Variants in ENTPD1 observed in about 807,000 individuals in gnomAD.
The protein encoded by ENTPD1 is ectonucleoside triphosphate diphosphohydrolase 1.
ENTPD1 carries 33 observed loss-of-function variants against 57.0 expected under a neutral mutation model. That is an observed-to-expected ratio of 0.58 (90% CI 0.44 to 0.77). ENTPD1 has a LOEUF of 0.77. ENTPD1 is among the 30% of genes least tolerant of loss of function. ENTPD1 has a pLI of 0.00. For missense variants in ENTPD1, 501 were observed against 603.4 expected, an observed-to-expected ratio of 0.83 and a Z score of 1.78; for synonymous variants, 202 against 218.8, an observed-to-expected ratio of 0.92 and a Z score of 0.68.
rs1469120936 is a variant in ENTPD1 at position 95,788,592 on chromosome 10, G to T, written c.16+32337G>T. Among the ~76,000 whole-genome samples, 4 of 151,744 alleles carry T rather than the reference G, an allele frequency of 2.6e-5. No individual in the cohort carries two copies. The East Asian group carries it at 7.7e-4, about 29-fold the overall frequency. On this transcript the variant is annotated intron_variant, in intron 1 of 9. Coordinates refer to ENST00000371205, the MANE Select transcript of ENTPD1 (RefSeq NM_001776.6). ...AGATTGCACCACTGCACTGCAGCCT[G>T]GGCGACAAAGTGAGACTCTGTCCAA...
chr10:95,775,856 G>A (rs1288164656), intron 1 of ENTPD1, among the ~76,000 whole-genome samples: 1 of 152,122 alleles, frequency 6.6e-6, no homozygotes, highest in Non-Finnish European at 1.5e-5. Context: ...AGGATAGTTA[G>A]CTCTTCTTGT....
At chr10:95,713,141 C>G (rs2097967745) in intron 1 of ENTPD1, among the ~76,000 whole-genome samples, 1 of 151,700 alleles carries the variant, frequency 6.6e-6, no homozygotes, top group Non-Finnish European at 1.5e-5. Flanking sequence ...TCCATATGCT[C>G]TCAAGGAACA....
chr10:95,766,403 C>T (rs184915528), intron 1 of ENTPD1, among the ~76,000 whole-genome samples: 15 of 152,250 alleles, frequency 9.9e-5, no homozygotes, highest in East Asian at 9.6e-4. Flanking sequence ...ACCTCAATTA[C>T]GCTCAATACT....
At chr10:95,804,130 GT>G (rs1306892925) in intron 1 of ENTPD1, among the ~76,000 whole-genome samples, 1 of 152,140 alleles carries the variant, frequency 6.6e-6, no homozygotes, top group Admixed American at 6.5e-5. Flanking sequence ...TTGAAGTCAG[GT>G]AGCGTGATGC....
intron 1 of ENTPD1, among the ~76,000 whole-genome samples, chr10:95,786,669 C>T (rs2153913): frequency 6.6e-6 from 1 of 151,862 alleles, no homozygotes; most frequent in African/African-American, 2.4e-5. Context: ...TTCAGCATAT[C>T]TTAAAATGAC....
chr10:95,707,548 C>T (rs184489729), upstream of ENTPD1, among the ~76,000 whole-genome samples: 1 of 152,190 alleles, frequency 6.6e-6, no homozygotes, highest in Non-Finnish European at 1.5e-5. Flanking sequence ...TGGTGGTAAT[C>T]ATGTCTTCAA....
chr10:95,710,477 TTATC>T (rs1434961120), upstream of ENTPD1, among the ~76,000 whole-genome samples: 3 of 152,072 alleles, frequency 2.0e-5, no homozygotes, highest in Non-Finnish European at 2.9e-5. Context: ...TTACAAGCAT[TTATC>T]TAAGTAAGTT....
At chr10:95,733,399 G>A (rs995111416) in intron 1 of ENTPD1, among the ~76,000 whole-genome samples, 6 of 152,064 alleles carry the variant, frequency 3.9e-5, no homozygotes, top group Admixed American at 2.0e-4. Flanking sequence ...TGCAGTTAAC[G>A]CAATCATGAC....
At chr10:95,807,936 C>G (rs2098279844) in intron 1 of ENTPD1, among the ~76,000 whole-genome samples, 1 of 152,162 alleles carries the variant, frequency 6.6e-6, no homozygotes, top group South Asian at 2.1e-4. Flanking sequence ...ATTGCCCTAA[C>G]CAGGACATCC....
In ENTPD1 at chr10:95,866,350, C is replaced by A; in HGVS notation, c.1500C>A (p.His500Gln). 6.2e-7 allele frequency: 1 copy of A among 1,614,178 alleles called. No homozygotes were observed. The highest frequency in any genetic ancestry group is 8.5e-7 in the Non-Finnish European group (1 of 1,180,026). Residue 500 changes from histidine to glutamine, a missense_variant, in exon 10 of 10, where the codon CAC becomes CAA. Coordinates refer to ENST00000371205, the MANE Select transcript of ENTPD1 (RefSeq NM_001776.6). The stretch of plus-strand genomic sequence containing the variant: ...CCATCATAGGCTTGCTTATCTTTCA[C>A]AAGCCTTCATATTTCTGGAAAGATA... ...TVAIIGLLIFHKPSYFWKDMV is the reference protein window; with the variant it reads ...TVAIIGLLIFQKPSYFWKDMV
intron 5 of ENTPD1, chr10:95,844,843 T>A (rs2098431108): frequency 1.5e-6 from 1 of 677,076 alleles, no homozygotes; most frequent in African/African-American, 1.8e-5. Flanking sequence ...ATTGGGAGAA[T>A]AAGGACATGT....
intron 8 of ENTPD1, among the ~76,000 whole-genome samples, chr10:95,863,844 G>A (rs1403523510): frequency 1.3e-5 from 2 of 152,196 alleles, no homozygotes; most frequent in Admixed American, 6.5e-5. Flanking sequence ...GTATCCAGGA[G>A]GGAATGCCTA....
chr10:95,838,497 C>G (rs1376990390), intron 2 of ENTPD1, among the ~76,000 whole-genome samples: 1 of 152,142 alleles, frequency 6.6e-6, no homozygotes, highest in Non-Finnish European at 1.5e-5. Context: ...ACTACTGATA[C>G]ACACAGTTTG....
chr10:95,819,486 C>T (rs539300992), intron 1 of ENTPD1, among the ~76,000 whole-genome samples: 1 of 152,266 alleles, frequency 6.6e-6, no homozygotes, highest in African/African-American at 2.4e-5. Context: ...TTTTGATTTT[C>T]ACCTTAGTAT....
intron 1 of ENTPD1, among the ~76,000 whole-genome samples, chr10:95,781,081 A>G (rs1366138530): frequency 6.6e-6 from 1 of 152,252 alleles, no homozygotes; most frequent in African/African-American, 2.4e-5. Flanking sequence ...AGCCATAAAC[A>G]TAATAAAATC....
At chr10:95,783,116 G>C (rs546384397) in intron 1 of ENTPD1, among the ~76,000 whole-genome samples, 1 of 152,220 alleles carries the variant, frequency 6.6e-6, no homozygotes, top group South Asian at 2.1e-4. Context: ...GGACAAAAAT[G>C]AATTTTGTAA....
At chr10:95,708,930 T>A (rs745642653), upstream of ENTPD1, among the ~76,000 whole-genome samples, 3 of 152,210 alleles carry the variant, frequency 2.0e-5, no homozygotes, top group Non-Finnish European at 4.4e-5. Flanking sequence ...AGAACAGCGG[T>A]GAGAGCTCTC....
Position 95,738,398 on chromosome 10 carries a change from G to A in ENTPD1, c.37+26405G>A, listed in dbSNP as rs79379237. ...AGATATTAATGAAGTATGGCAGTAG[G>A]CAAACCTAGGGCCAAAACTGAAGTG... On this transcript the variant is annotated intron_variant, in intron 1 of 9. Transcript: ENST00000453258. 3.3e-3 allele frequency among the ~76,000 whole-genome samples: 503 copies of A among 152,294 alleles called. 2 individuals are homozygous for A. Among genetic ancestry groups the A allele is most frequent in the African/African-American group, 0.011 (476 of 41,556 alleles).
At chr10:95,860,695 T>C in intron 8 of ENTPD1, 113 bp downstream of exon 8, 1 of 875,280 alleles carries the variant, frequency 1.1e-6, no homozygotes, top group Non-Finnish European at 1.9e-6. Context: ...ATCCAGCAAA[T>C]GTGTTAGAGA....
Sources: gnomAD v4.1 joint callset for allele counts (sites outside exome capture counted in the v4.1 genomes callset) on GRCh38, gnomAD v4.1.1 for gene constraint, MANE v1.5 for transcripts, NCBI Gene and HGNC (gene_info 2026-07-23, HGNC 2026-07-21) for gene names.